The following CDKL2 variants were observed in gnomAD, a reference collection of about 807,000 sequenced individuals.
The protein encoded by CDKL2 is cyclin dependent kinase like 2.
Under a neutral mutation model 63.9 loss-of-function variants are expected in CDKL2, and 64 were observed. The observed-to-expected ratio is 1.00, with a 90% CI of 0.82 to 1.23. The LOEUF is 1.23. CDKL2 is among the 50% of genes most tolerant of loss of function. The pLI is 0.00. For synonymous variants in CDKL2, 211 were observed against 229.2 expected (o/e 0.92, Z 0.72); for missense variants, 656 against 668.0 (o/e 0.98, Z 0.20).
At chr4:75,584,812 G>A (rs933559026) in intron 12 of CDKL2, among the ~76,000 whole-genome samples, 2 of 152,112 alleles carry the variant, frequency 1.3e-5, no homozygotes, top group African/African-American at 4.8e-5. Context: ...TATTCAAAAT[G>A]GTGTGCAATT....
intron 2 of CDKL2, among the ~76,000 whole-genome samples, chr4:75,623,816 G>A (rs1353583237): frequency 6.6e-6 from 1 of 152,034 alleles, no homozygotes; most frequent in South Asian, 2.1e-4. Flanking sequence ...GTTTTCACAA[G>A]AGATACATCT....
intron 2 of CDKL2, among the ~76,000 whole-genome samples, chr4:75,622,983 C>G (rs1730232724): frequency 6.6e-6 from 1 of 151,920 alleles, no homozygotes; most frequent in Admixed American, 6.6e-5. Context: ...GATATAAAAA[C>G]TTACAAACTA....
At chr4:75,581,037 G>A (rs541267181) in intron 13 of CDKL2, among the ~76,000 whole-genome samples, 3 of 152,152 alleles carry the variant, frequency 2.0e-5, no homozygotes, top group Non-Finnish European at 4.4e-5. Flanking sequence ...TATTTAAAAG[G>A]AAGTCAATAA....
intron 8 of CDKL2, 41 bp from the exon 9 acceptor site, chr4:75,597,277 A>G: frequency 7.7e-7 from 1 of 1,305,074 alleles, no homozygotes; most frequent in Non-Finnish European, 1.1e-6. Context: ...AATGATCTGA[A>G]GAGAATGAAA....
chr4:75,603,769 TA>T, intron 6 of CDKL2, 47 bp downstream of exon 6: 1 of 1,175,942 alleles, frequency 8.5e-7, no homozygotes, highest in Non-Finnish European at 1.2e-6. Flanking sequence ...AAGGTCTTGA[TA>T]GTGCATAAAT....
Position 75,614,257 on chromosome 4 carries a change from T to C in CDKL2, c.361A>G (p.Asn121Asp), listed in dbSNP as rs777602813. The change falls in exon 3 of 14, where the codon AAT becomes GAT. Residue 121 changes from asparagine to aspartate, a missense_variant and splice_region_variant. By Grantham distance (23) the Asn-to-Asp change is conservative. Coordinates refer to ENST00000307465, the MANE Select transcript of CDKL2 (RefSeq NM_001330724.2). Reference protein sequence around the residue: ...INGIGFCHSHNIIHRDIKPEN... With the variant: ...INGIGFCHSHDIIHRDIKPEN... ...AATTATTTAAACCCAATACTTACAT[T>C]GTGACTGTGACAAAATCCAATTCCA... The C allele has an allele frequency of 5.7e-6, 9 of 1,582,882 alleles. No homozygotes were observed. In the Admixed American group the frequency reaches 1.4e-4, roughly 24 times the overall value.
intron 2 of CDKL2, among the ~76,000 whole-genome samples, chr4:75,619,337 G>A (rs1436804431): frequency 6.6e-6 from 1 of 152,038 alleles, no homozygotes; most frequent in East Asian, 1.9e-4. Flanking sequence ...AAATGTAGAA[G>A]AGCCCCCAAT....
intron 10 of CDKL2, among the ~76,000 whole-genome samples, chr4:75,594,397 G>A (rs1448755672): frequency 1.3e-5 from 2 of 151,676 alleles, no homozygotes; most frequent in East Asian, 1.9e-4. Context: ...GCAGTGAGCC[G>A]AGATCATGCC....
At chr4:75,614,194 C>G in intron 3 of CDKL2, 61 bp downstream of exon 3, 1 of 1,081,684 alleles carries the variant, frequency 9.2e-7, no homozygotes, top group South Asian at 1.5e-5. Context: ...ATCAATAAGA[C>G]AGATTAAAGG....
chr4:75,613,712 C>T (rs923484462), intron 3 of CDKL2, among the ~76,000 whole-genome samples: 1 of 152,130 alleles, frequency 6.6e-6, no homozygotes, highest in Non-Finnish European at 1.5e-5. Context: ...TCTCAAAATT[C>T]ATCACTTAAA....
intron 5 of CDKL2, among the ~76,000 whole-genome samples, chr4:75,604,480 T>C (rs1348962695): frequency 6.6e-6 from 1 of 152,238 alleles, no homozygotes; most frequent in Non-Finnish European, 1.5e-5. Context: ...AATAGTTAAA[T>C]TACCCCCAAG....
At position 75,607,319 on chromosome 4, in the gene CDKL2, G is replaced by A. The variant is rs764363393; in HGVS notation, c.406C>T (p.Gln136Ter). 6 of 1,613,816 alleles carry A rather than the reference G, an allele frequency of 3.7e-6. No individual in the cohort carries two copies. In the East Asian group the frequency reaches 1.3e-4, roughly 36 times the overall value. ...TCGCATAGCTTGACAACGCCAGACT[G>A]GGAGACTAATATATTCTCTGGCTTT... Reference protein sequence around the residue: ...DIKPENILVSQSGVVKLCDFG... With the variant: ...DIKPENILVS The change falls in exon 4 of 14, where the codon CAG (glutamine) becomes TAG (stop). Residue 136 changes from glutamine to a stop codon, truncating the protein, a stop_gained. Transcript: ENST00000307465. LOFTEE classifies it high-confidence loss of function.
chr4:75,578,507 T>G lies in CDKL2; in HGVS notation c.*695A>C, dbSNP rs957753502. ...GCATTAGTGTGGTTCTTAGAAGATCTGCAGGGAGGCCAGAGTCTCATAATA... is the reference window on the plus strand; with the variant it reads ...GCATTAGTGTGGTTCTTAGAAGATCGGCAGGGAGGCCAGAGTCTCATAATA... On this transcript the variant is annotated 3_prime_UTR_variant, in exon 14 of 14. Transcript: ENST00000307465. The G allele has an allele frequency of 6.6e-6, 1 of 152,220 alleles. No homozygotes were observed. Among genetic ancestry groups the G allele is most frequent in the Non-Finnish European group, 1.5e-5 (1 of 68,038 alleles). The allele number at this position is 152,220 out of a possible 1,614,324, so 9.4% of individuals were successfully genotyped here.
At position 75,625,877 on chromosome 4, in the gene CDKL2, T is replaced by TTTCTAAGAAC. The variant is rs1367998746; in HGVS notation, c.102_111dup (p.Ser38ValfsTer5). On this transcript the variant is annotated frameshift_variant, in exon 2 of 14. Coordinates refer to ENST00000307465, the MANE Select transcript of CDKL2 (RefSeq NM_001330724.2). LOFTEE classifies it high-confidence loss of function. ...TTTTTAACCATTTTGTCATCGTCACTTTCTAAGAACTTCTTTATGGCCACA... is the reference window on the plus strand; with the variant it reads ...TTTTTAACCATTTTGTCATCGTCACTTTCTAAGAACTTCTAAGAACTTCTTTATGGCCACA... 1 of 1,613,484 alleles carries TTTCTAAGAAC rather than the reference T, an allele frequency of 6.2e-7. No homozygotes were observed. The highest frequency in any genetic ancestry group is 1.3e-5 in the African/African-American group (1 of 74,928).
At chr4:75,615,918 G>A (rs576237289) in intron 2 of CDKL2, among the ~76,000 whole-genome samples, 48 of 152,284 alleles carry the variant, frequency 3.2e-4, no homozygotes, top group African/African-American at 1.1e-3. Flanking sequence ...TTAAGCCCAC[G>A]AGTTGGAGGC....
chr4:75,612,744 T>C (rs142483770), intron 3 of CDKL2, among the ~76,000 whole-genome samples: 8 of 152,356 alleles, frequency 5.3e-5, no homozygotes, highest in Non-Finnish European at 7.3e-5. Context: ...CTCTTTGCAA[T>C]TTACTAAACT....
At position 75,591,860 on chromosome 4, in the gene CDKL2, C is replaced by T; in HGVS notation, c.1606G>A (p.Ala536Thr). The change falls in exon 12 of 14, where the codon GCT (alanine) becomes ACT (threonine). Residue 536 changes from alanine (A) to threonine (T), a missense_variant. Ala to Thr is a moderately conservative substitution (Grantham distance 58). Coordinates refer to ENST00000307465, the MANE Select transcript of CDKL2 (RefSeq NM_001330724.2). ...ILSESRIPSL[A>T]AIDLHTPSIT... is the part of the protein sequence containing the mutation. ...CTGGGGGTGTGCAGGTCAATAGCAG[C>T]CAGAGAAGGAATTCGAGATTCTGAA... The T allele has an allele frequency of 6.5e-7, 1 of 1,535,862 alleles. No homozygotes were observed.
At chr4:75,627,721 C>CTTTTCTT (rs72152349) in intron 1 of CDKL2, among the ~76,000 whole-genome samples, 4 of 45,272 alleles carry the variant, frequency 8.8e-5, no homozygotes, top group Admixed American at 2.5e-4. Flanking sequence ...TTTTTCTTTA[C>CTTTTCTT]TTTTTTTTTC....
Position 75,605,509 on chromosome 4 carries a change from T to C in CDKL2, c.655+13A>G. ...AAATCTCTAAAATTTAAAATGCAGA[T>C]GTGTAACCTTACCTAAACACATCAT... On this transcript the variant is annotated intron_variant, in intron 5 of 13. Coordinates refer to ENST00000307465, the MANE Select transcript of CDKL2 (RefSeq NM_001330724.2). The C allele has an allele frequency of 6.9e-7, 1 of 1,440,560 alleles. No individual in the cohort carries two copies. Among genetic ancestry groups the C allele is most frequent in the Non-Finnish European group, 9.7e-7 (1 of 1,028,224 alleles). The allele number at this position is 1,440,560 out of a possible 1,614,324, so 89.2% of individuals were successfully genotyped here. A position where few individuals can be genotyped will look rare whatever the true frequency, so the allele number is the denominator to read the frequency against.
Sources: allele counts gnomAD v4.1 joint callset (sites outside exome capture counted in the v4.1 genomes callset), GRCh38; gene constraint gnomAD v4.1.1; transcripts MANE v1.5; gene names NCBI Gene and HGNC (gene_info 2026-07-23, HGNC 2026-07-21).